The following NKAIN2 variants were observed in gnomAD, a reference collection of about 807,000 sequenced individuals.
The protein encoded by NKAIN2 is sodium/potassium-transporting ATPase subunit beta-1-interacting protein 2.
NKAIN2 carries 14 observed loss-of-function variants against 32.6 expected under a neutral mutation model. The observed-to-expected ratio is 0.43, with a 90% confidence interval of 0.28 to 0.67. The LOEUF (loss-of-function observed/expected upper bound fraction) is 0.67. Ranked by LOEUF, NKAIN2 falls within the 30% of genes least tolerant of loss-of-function variation. NKAIN2 has a pLI of 0.17. For synonymous variants in NKAIN2, 80 were observed against 87.2 expected (o/e 0.92, Z 0.46); for missense variants, 198 against 258.3 (o/e 0.77, Z 1.60).
At chr6:124,726,568 A>G (rs377018468) in intron 4 of NKAIN2, among the ~76,000 whole-genome samples, 14,972 of 149,364 alleles carry the variant, frequency 0.1, 1,139 homozygotes, top group East Asian at 0.33. Context: ...CATCACCATC[A>G]TCAAAGACCA....
In NKAIN2 at chr6:123,929,365, C is replaced by G. The variant is rs541121193; in HGVS notation, c.54+125111C>G. 1.2e-3 allele frequency among the ~76,000 whole-genome samples: 188 copies of G among 152,136 alleles called. 2 individuals carry two copies. The South Asian group carries it at 0.02, about 16-fold the overall frequency. On this transcript the variant is annotated intron_variant, in intron 1 of 6. Coordinates refer to ENST00000368417, the MANE Select transcript of NKAIN2 (RefSeq NM_001040214.3). ...CTGAGTCTCTCTTCCTACCTCTTCT[C>G]ACAGAGGAGAAAGAAGATTTGTCTG...
intron 1 of NKAIN2, among the ~76,000 whole-genome samples, chr6:124,034,527 G>A (rs780521124): frequency 2.0e-5 from 3 of 152,014 alleles, no homozygotes; most frequent in African/African-American, 7.2e-5. Flanking sequence ...CCATTAATGG[G>A]CACATAGGTT....
intron 1 of NKAIN2, among the ~76,000 whole-genome samples, chr6:123,839,082 A>C (rs1204826243): frequency 6.6e-6 from 1 of 152,160 alleles, no homozygotes; most frequent in East Asian, 1.9e-4. Context: ...CAGCTAGTTT[A>C]TGCTGCTTAG....
chr6:124,325,715 A>G (rs991948868), intron 2 of NKAIN2, among the ~76,000 whole-genome samples: 1 of 152,130 alleles, frequency 6.6e-6, no homozygotes, highest in Non-Finnish European at 1.5e-5. Flanking sequence ...TAATCAGAAC[A>G]GTGGTCTTCT....
intron 1 of NKAIN2, among the ~76,000 whole-genome samples, chr6:124,163,651 G>T (rs113736071): frequency 2.0e-5 from 3 of 151,952 alleles, no homozygotes; most frequent in African/African-American, 7.2e-5. Context: ...TCTATAATTG[G>T]AGTATTTTAT....
rs1313139312 is a variant in NKAIN2 at position 124,711,161 on chromosome 6, C to G, written c.474+52775C>G. The stretch of plus-strand genomic sequence containing the variant: ...TTTAAGAATGTTGAATATTGGCCCC[C>G]ACTCTCTTCTGGCTTGTAGCGTTTC... On this transcript the variant is annotated intron_variant, in intron 4 of 6. Coordinates refer to ENST00000368417, the MANE Select transcript of NKAIN2 (RefSeq NM_001040214.3). Among the ~76,000 whole-genome samples, 209 of 139,256 alleles carry G rather than the reference C, an allele frequency of 1.5e-3. 1 individual carries two copies. The highest frequency in any genetic ancestry group is 5.5e-3 in the African/African-American group (195 of 35,728). 91.4% of individuals were successfully genotyped at this position (139,256 alleles called of 152,430 possible).
intron 3 of NKAIN2, among the ~76,000 whole-genome samples, chr6:124,495,891 T>A (rs1335310720): frequency 6.6e-6 from 1 of 152,076 alleles, no homozygotes. Context: ...CCTTTTGAGA[T>A]GTTGGTGAAA....
At chr6:124,737,517 G>C (rs12524566) in intron 4 of NKAIN2, among the ~76,000 whole-genome samples, 1 of 151,632 alleles carries the variant, frequency 6.6e-6, no homozygotes, top group African/African-American at 2.4e-5. Flanking sequence ...AACTGGTACC[G>C]GGAGTGCTGC....
At chr6:124,120,184 C>T (rs529535986) in intron 1 of NKAIN2, among the ~76,000 whole-genome samples, 18 of 152,230 alleles carry the variant, frequency 1.2e-4, no homozygotes, top group African/African-American at 4.3e-4. Flanking sequence ...TTGACAAATA[C>T]ATTTTTAAAA....
At chr6:124,095,619 T>C (rs561268195) in intron 1 of NKAIN2, among the ~76,000 whole-genome samples, 3 of 152,326 alleles carry the variant, frequency 2.0e-5, no homozygotes, top group African/African-American at 7.2e-5. Flanking sequence ...ATAATTTTGA[T>C]GAAAATACCA....
chr6:124,686,483 A>G (rs1437336400), intron 4 of NKAIN2, among the ~76,000 whole-genome samples: 1 of 152,040 alleles, frequency 6.6e-6, no homozygotes, highest in Non-Finnish European at 1.5e-5. Flanking sequence ...ACACACCTTT[A>G]AACAACCAGA....
intron 1 of NKAIN2, among the ~76,000 whole-genome samples, chr6:124,126,783 T>C (rs755016202): frequency 6.6e-6 from 1 of 152,116 alleles, no homozygotes; most frequent in Non-Finnish European, 1.5e-5. Context: ...GGCAAAACCC[T>C]GTCTCTACAA....
chr6:124,091,329 G>A lies in NKAIN2; in HGVS notation c.55-191676G>A, dbSNP rs139549447. ...GAACTGGAAAGAGTAACATATGATG[G>A]CAAGAATCTTCTTTTAATTATAGAT... On this transcript the variant is annotated intron_variant, in intron 1 of 6. Coordinates refer to ENST00000368417, the MANE Select transcript of NKAIN2 (RefSeq NM_001040214.3). Among the ~76,000 whole-genome samples, 944 of 151,928 alleles carry A rather than the reference G, an allele frequency of 6.2e-3. 9 individuals carry two copies. The highest frequency in any genetic ancestry group is 0.031 in the Middle Eastern group (9 of 294).
chr6:124,376,800 G>GA lies in NKAIN2; in HGVS notation c.273+21458dup, dbSNP rs545447737. On this transcript the variant is annotated intron_variant, in intron 3 of 6. Transcript: ENST00000368417. ...TGACTTTGATTTTTATTCTTTCTTG[G>GA]AAAAATGACATAAAAATCCATGCCA... Among the ~76,000 whole-genome samples, 11 of 151,764 alleles carry GA rather than the reference G, an allele frequency of 7.2e-5. No homozygotes were observed. The East Asian group carries it at 2.1e-3, about 29-fold the overall frequency.
chr6:123,998,166 C>G (rs1162937787), intron 1 of NKAIN2, among the ~76,000 whole-genome samples: 1 of 152,008 alleles, frequency 6.6e-6, no homozygotes, highest in African/African-American at 2.4e-5. Context: ...AAAAAGTGAC[C>G]TATCAAAATA....
chr6:124,220,409 C>T (rs574905860), intron 1 of NKAIN2, among the ~76,000 whole-genome samples: 1 of 152,162 alleles, frequency 6.6e-6, no homozygotes, highest in East Asian at 1.9e-4. Flanking sequence ...TGAGAACAGA[C>T]TAATACACTA....
chr6:124,609,017 ACT>A (rs1484195138), intron 3 of NKAIN2, among the ~76,000 whole-genome samples: 1 of 151,994 alleles, frequency 6.6e-6, no homozygotes, highest in Admixed American at 6.6e-5. Context: ...GTTTGGTGAG[ACT>A]CTGTGGGAGT....
At chr6:124,231,187 G>A (rs1792438050) in intron 1 of NKAIN2, among the ~76,000 whole-genome samples, 1 of 152,336 alleles carries the variant, frequency 6.6e-6, no homozygotes, top group Admixed American at 6.5e-5. Context: ...GGACTTGCAT[G>A]GGGCCTGTAG....
chr6:123,863,997 A>C (rs754462858), intron 1 of NKAIN2, among the ~76,000 whole-genome samples: 1 of 152,242 alleles, frequency 6.6e-6, no homozygotes, highest in African/African-American at 2.4e-5. Flanking sequence ...TAAAGATCAA[A>C]ATAATCAAAG....
Sources: gnomAD v4.1 joint callset for allele counts (sites outside exome capture counted in the v4.1 genomes callset) on GRCh38, gnomAD v4.1.1 for gene constraint, MANE v1.5 for transcripts, NCBI Gene and HGNC (gene_info 2026-07-23, HGNC 2026-07-21) for gene names.